PPARGC1B: variants seen among roughly 807,000 people sequenced by gnomAD.
PPARGC1B encodes the protein PPARG coactivator 1 beta, also known as peroxisome proliferator-activated receptor gamma coactivator 1-beta.
PPARGC1B carries 34 observed loss-of-function variants against 101.6 expected under a neutral mutation model. The ratio of observed to expected loss-of-function variants is 0.33; its 90% CI spans 0.25 to 0.45. PPARGC1B has a LOEUF of 0.45. Ranked by LOEUF, PPARGC1B falls within the 20% of genes least tolerant of loss-of-function variation. The pLI is 1.00. For missense variants in PPARGC1B, 1,234 were observed against 1,317.6 expected, an observed-to-expected ratio of 0.94 and a Z score of 0.98; for synonymous variants, 548 against 539.3, an observed-to-expected ratio of 1.02 and a Z score of -0.22.
chr5:149,733,843 A>C (rs1443452291), intron 1 of PPARGC1B, among the ~76,000 whole-genome samples: 1 of 152,234 alleles, frequency 6.6e-6, no homozygotes, highest in African/African-American at 2.4e-5. Context: ...TGGCAGCGGG[A>C]ATGTTAGAAA....
At chr5:149,767,387 C>T (rs1264238282) in intron 1 of PPARGC1B, among the ~76,000 whole-genome samples, 1 of 152,164 alleles carries the variant, frequency 6.6e-6, no homozygotes, top group Non-Finnish European at 1.5e-5. Flanking sequence ...ATTCAGGACT[C>T]CCAGGGGAAG....
chr5:149,743,495 G>A (rs760861017), intron 1 of PPARGC1B, among the ~76,000 whole-genome samples: 81 of 152,096 alleles, frequency 5.3e-4, no homozygotes, highest in Non-Finnish European at 9.9e-4. Flanking sequence ...ACCCAGTTGG[G>A]ACTGGAGCTC....
At chr5:149,778,145 AACACAC>A (rs60606878) in intron 1 of PPARGC1B, among the ~76,000 whole-genome samples, 2 of 100,596 alleles carry the variant, frequency 2.0e-5, no homozygotes, top group African/African-American at 3.8e-5. Context: ...ATGGAGCAGC[AACACAC>A]ACACACACAC....
intron 1 of PPARGC1B, among the ~76,000 whole-genome samples, chr5:149,777,128 G>T (rs1419689286): frequency 6.6e-6 from 1 of 152,198 alleles, no homozygotes; most frequent in African/African-American, 2.4e-5. Flanking sequence ...GTCTGAATCT[G>T]TTCTTCTTCT....
rs1054574588 is a variant in PPARGC1B, at chr5:149,837,925, A to G, written c.2618+852A>G. 1.3e-5 allele frequency among the ~76,000 whole-genome samples: 2 copies of G among 151,918 alleles called. No individual in the cohort carries two copies. The highest frequency in any genetic ancestry group is 2.9e-5 in the Non-Finnish European group (2 of 68,010). ...CCGCTGCAGGATTTGTTGCGCCTCC[A>G]CTGGCCGGCCCACACCCGGGTGTCT... is the stretch of plus-strand genomic sequence containing the variant. On this transcript the variant is annotated intron_variant, in intron 8 of 11. Transcript: ENST00000309241. This position sits in a 1 kb window ranked among gnomAD's most constrained non-coding sequence, Gnocchi z 4.2.
At chr5:149,807,401 G>T (rs1371598724) in intron 1 of PPARGC1B, among the ~76,000 whole-genome samples, 1 of 152,022 alleles carries the variant, frequency 6.6e-6, no homozygotes, top group East Asian at 1.9e-4. Flanking sequence ...CATGAGCAGG[G>T]TGTCAGTGGT....
At chr5:149,785,789 T>C (rs1218257563) in intron 1 of PPARGC1B, among the ~76,000 whole-genome samples, 1 of 152,174 alleles carries the variant, frequency 6.6e-6, no homozygotes, top group Admixed American at 6.5e-5. Context: ...TGACACTAAA[T>C]GAGGCCAGAG....
In PPARGC1B at chr5:149,806,370, C is replaced by T. The variant is rs1318075564; in HGVS notation, c.79-14063C>T. Among the ~76,000 whole-genome samples the T allele has an allele frequency of 2.6e-5, 4 of 152,196 alleles. No individual in the cohort carries two copies. The South Asian group carries it at 6.2e-4, about 24-fold the overall frequency. On this transcript the variant is annotated intron_variant, in intron 1 of 11. Transcript: ENST00000309241. ...CATTTCCTTAAATGCCATGAAGGGG[C>T]TGCCTGACCTTCACTCTCTTGCCAG... is the stretch of plus-strand genomic sequence containing the variant.
intron 1 of PPARGC1B, among the ~76,000 whole-genome samples, chr5:149,805,853 A>G (rs1757579397): frequency 6.6e-6 from 1 of 152,258 alleles, no homozygotes; most frequent in African/African-American, 2.4e-5. Flanking sequence ...TAACTCTTTC[A>G]TAATTCCTCC....
At chr5:149,844,079 G>A (rs1759454386) in intron 10 of PPARGC1B, among the ~76,000 whole-genome samples, 1 of 152,220 alleles carries the variant, frequency 6.6e-6, no homozygotes, top group South Asian at 2.1e-4. Flanking sequence ...ACAGCAATAT[G>A]AGTATACTTA....
chr5:149,836,798 C>T lies in PPARGC1B; in HGVS notation c.2343C>T (p.Ala781=). ...LETALEEEDL[A]SCKSPEYDTV... ...CCGCCCTGGAGGAGGAAGACCTGGC[C>T]TCCTGCAAGAGCCCTGAGTATGACA... is the stretch of plus-strand genomic sequence containing the variant. Residue 781 remains alanine, a synonymous_variant, in exon 8 of 12, where the codon GCC becomes GCT. Transcript: ENST00000309241. 1 of 1,613,614 alleles carries T rather than the reference C, an allele frequency of 6.2e-7. No individual in the cohort carries two copies. The highest frequency in any genetic ancestry group is 8.5e-7 in the Non-Finnish European group (1 of 1,180,032).
At position 149,848,411 on chromosome 5, in the gene PPARGC1B, C is replaced by G. The variant is rs1217662791; in HGVS notation, c.*853C>G. ...AGAGGCGAAATGACTGTGGGAGGTC[C>G]GGTTACCAGTGAGGAGGCAGAGCGG... On this transcript the variant is annotated 3_prime_UTR_variant, in exon 12 of 12. Transcript: ENST00000309241. The G allele has an allele frequency of 6.6e-6, 1 of 152,178 alleles. No homozygotes were observed. 9.4% of individuals were successfully genotyped at this position (152,178 alleles called of 1,614,324 possible). A position where few individuals can be genotyped will look rare whatever the true frequency, so the allele number is the denominator to read the frequency against.
At chr5:149,734,091 G>A (rs1754598736) in intron 1 of PPARGC1B, among the ~76,000 whole-genome samples, 1 of 152,078 alleles carries the variant, frequency 6.6e-6, no homozygotes, top group South Asian at 2.1e-4. Context: ...GGAGGCCGAG[G>A]CGGGTGAATC....
intron 1 of PPARGC1B, among the ~76,000 whole-genome samples, chr5:149,746,846 C>T (rs1391262005): frequency 6.6e-6 from 1 of 152,118 alleles, no homozygotes; most frequent in African/African-American, 2.4e-5. Context: ...TTTGCATTTC[C>T]CTAATGACTG....
intron 1 of PPARGC1B, among the ~76,000 whole-genome samples, chr5:149,795,370 G>A (rs1757170886): frequency 6.6e-6 from 1 of 152,148 alleles, no homozygotes; most frequent in African/African-American, 2.4e-5. Context: ...TGCAGCTATT[G>A]TAGTTAAAGC....
At chr5:149,845,287 A>G (rs182678213) in intron 10 of PPARGC1B, among the ~76,000 whole-genome samples, 1 of 152,376 alleles carries the variant, frequency 6.6e-6, no homozygotes, top group African/African-American at 2.4e-5. Context: ...AAGGAGGCAG[A>G]AAGTGGTACA....
At chr5:149,751,459 A>G (rs1034212936) in intron 1 of PPARGC1B, among the ~76,000 whole-genome samples, 1 of 152,164 alleles carries the variant, frequency 6.6e-6, no homozygotes, top group African/African-American at 2.4e-5. Flanking sequence ...TAATCCCAGC[A>G]CTTTGGGAGG....
In PPARGC1B at chr5:149,771,699, C is replaced by T. The variant is rs76696334; in HGVS notation, c.78+41279C>T. On this transcript the variant is annotated intron_variant, in intron 1 of 11. Coordinates refer to ENST00000309241, the MANE Select transcript of PPARGC1B (RefSeq NM_133263.4). ...AGTTTTCATGAAAGACAGAGCAAGC[C>T]GTATTCCTTTTTCCTTGTTCTTTCT... 5.5e-3 allele frequency among the ~76,000 whole-genome samples: 836 copies of T among 152,290 alleles called. 13 individuals carry two copies. Among genetic ancestry groups the T allele is most frequent in the African/African-American group, 0.019 (796 of 41,568 alleles).
chr5:149,758,049 C>G (rs1166106059), intron 1 of PPARGC1B, among the ~76,000 whole-genome samples: 1 of 152,258 alleles, frequency 6.6e-6, no homozygotes, highest in African/African-American at 2.4e-5. Context: ...TGCCCTTATT[C>G]CATAACCCCT....
Sources: allele counts gnomAD v4.1 joint callset (sites outside exome capture counted in the v4.1 genomes callset), GRCh38; gene constraint gnomAD v4.1.1; non-coding constraint Gnocchi (gnomAD v3.1); transcripts MANE v1.5; gene names NCBI Gene and HGNC (gene_info 2026-07-23, HGNC 2026-07-21).